The following FSTL4 variants were observed in gnomAD, a reference collection of about 807,000 sequenced individuals.
FSTL4 encodes the protein follistatin-related protein 4.
A neutral mutation model predicts 78.2 loss-of-function variants in FSTL4; 28 were observed. That is an observed-to-expected ratio of 0.36 (90% CI 0.27 to 0.49). The LOEUF is 0.49. Among genes scored for constraint, FSTL4 ranks in the 20% least tolerant of loss-of-function variants. FSTL4 has a pLI of 0.98. For missense variants in FSTL4, 922 were observed against 1,084.9 expected, an observed-to-expected ratio of 0.85 and a Z score of 2.11; for synonymous variants, 422 against 440.5, an observed-to-expected ratio of 0.96 and a Z score of 0.53.
rs1757126542 is a variant in FSTL4 at position 133,440,362 on chromosome 5, T to A, written c.161-39376A>T. ...AGGGTTTGGACTTCAAGGCCCTTTC[T>A]TGTGGAAGGCTCAGCATCTGTCAGC... On this transcript the variant is annotated intron_variant, in intron 3 of 15. Coordinates refer to ENST00000265342, the MANE Select transcript of FSTL4 (RefSeq NM_015082.2). The surrounding 1 kb of genome is among the most constrained non-coding windows in gnomAD (Gnocchi z 4.1). Among the ~76,000 whole-genome samples the A allele has an allele frequency of 6.6e-6, 1 of 152,188 alleles. No homozygotes were observed. Among genetic ancestry groups the A allele is most frequent in the African/African-American group, 2.4e-5 (1 of 41,446 alleles).
In FSTL4 at chr5:133,398,109, CT is replaced by C. The variant is rs370640541; in HGVS notation, c.409+2628del. Among the ~76,000 whole-genome samples the C allele has an allele frequency of 1.1e-4, 16 of 152,254 alleles. No homozygotes were observed. The East Asian group carries it at 2.5e-3, about 24-fold the overall frequency. On this transcript the variant is annotated intron_variant, in intron 4 of 15. Coordinates refer to ENST00000265342, the MANE Select transcript of FSTL4 (RefSeq NM_015082.2). ...GTCATCTATTTCGTTCTACTCCCCC[CT>C]GGAGCCATGGTTCTGGTGAAGGTGA...
chr5:133,395,859 C>T (rs1756026353), intron 4 of FSTL4, among the ~76,000 whole-genome samples: 1 of 152,190 alleles, frequency 6.6e-6, no homozygotes, highest in Admixed American at 6.5e-5. Flanking sequence ...TTACCCCAGG[C>T]TCCACTGGCA....
chr5:133,399,591 C>G (rs1205712368), intron 4 of FSTL4, among the ~76,000 whole-genome samples: 2 of 152,208 alleles, frequency 1.3e-5, no homozygotes, highest in Non-Finnish European at 2.9e-5. Context: ...TCAGGTGTGT[C>G]AGCATCATAC....
In FSTL4 at chr5:133,551,711, T is replaced by G. The variant is rs150396106; in HGVS notation, c.160+15475A>C. Reference sequence around the variant, plus strand: ...TGATTAAAAACATACTTTTAAAATGTCTCTTTTTCTAACCCAGTGGACCAA... The same window carrying G: ...TGATTAAAAACATACTTTTAAAATGGCTCTTTTTCTAACCCAGTGGACCAA... On this transcript the variant is annotated intron_variant, in intron 3 of 15. Coordinates refer to ENST00000265342, the MANE Select transcript of FSTL4 (RefSeq NM_015082.2). 2.9e-3 allele frequency among the ~76,000 whole-genome samples: 441 copies of G among 152,358 alleles called. 1 individual carries two copies. The highest frequency in any genetic ancestry group is 9.3e-3 in the African/African-American group (385 of 41,592).
rs1756210410 is a variant in FSTL4, at chr5:133,400,966, G to C, written c.181C>G (p.Leu61Val). 4 of 1,613,178 alleles carry C rather than the reference G, an allele frequency of 2.5e-6. No homozygotes were observed. Among genetic ancestry groups the C allele is most frequent in the Non-Finnish European group, 3.4e-6 (4 of 1,180,014 alleles). ...AACTTCTTCCCGCAGGAGGCCAGCA[G>C]CTCGTTGTGGCTGGAAAGCCCTGCC... ...RREGLSSHNE[L>V]LASCGKKFCS... is the part of the protein sequence containing the mutation. Residue 61 changes from leucine (L) to valine (V), a missense_variant, in exon 4 of 16, where the codon CTG becomes GTG. Transcript: ENST00000265342.
intron 2 of FSTL4, among the ~76,000 whole-genome samples, 166 bp from the exon 3 acceptor site, chr5:133,567,385 T>C (rs912993061): frequency 6.6e-6 from 1 of 152,230 alleles, no homozygotes; most frequent in Non-Finnish European, 1.5e-5. Context: ...CATGTACATC[T>C]ATAAATGTAA....
At chr5:133,605,368 A>G (rs1345853735) in intron 1 of FSTL4, among the ~76,000 whole-genome samples, 4 of 152,226 alleles carry the variant, frequency 2.6e-5, no homozygotes, top group Non-Finnish European at 5.9e-5. Flanking sequence ...GCTGGTCCAG[A>G]ACAGACATCC....
At position 133,424,545 on chromosome 5, in the gene FSTL4, C is replaced by T. The variant is rs539917494; in HGVS notation, c.161-23559G>A. ...TGTCCAGGGGCACCTGGGTTCTCTA[C>T]GACTTCCCTGGTTGTGCTGTCCCAC... is the stretch of plus-strand genomic sequence containing the variant. On this transcript the variant is annotated intron_variant, in intron 3 of 15. Transcript: ENST00000265342. Among the ~76,000 whole-genome samples the T allele has an allele frequency of 3.3e-5, 5 of 152,304 alleles. No individual in the cohort carries two copies. The East Asian group carries it at 5.8e-4, about 18-fold the overall frequency.
At chr5:133,651,028 C>G in the FSTL4 span, among the ~76,000 whole-genome samples, 1 of 152,054 alleles carries the variant, frequency 6.6e-6, no homozygotes. Flanking sequence ...TTTTTAATTT[C>G]AAATTCACAT....
the FSTL4 span, among the ~76,000 whole-genome samples, chr5:133,671,513 C>T: frequency 6.6e-6 from 1 of 152,310 alleles, no homozygotes; most frequent in South Asian, 2.1e-4. Flanking sequence ...AGCACTTGAA[C>T]ATAAATTTAA....
rs1421886717 is a variant in FSTL4 at position 133,198,726 on chromosome 5, T to C, written c.*369A>G. ...TCCGTCAGGGCAAAGTCTGGCTGGG[T>C]CTGGCAGTAAGGGACAATGACTATG... On this transcript the variant is annotated 3_prime_UTR_variant, in exon 16 of 16. Transcript: ENST00000265342. 5.9e-6 allele frequency: 1 copy of C among 169,472 alleles called. No individual in the cohort carries two copies. Among genetic ancestry groups the C allele is most frequent in the Non-Finnish European group, 1.3e-5 (1 of 79,744 alleles). The allele number at this position is 169,472 out of a possible 1,614,324, so 10.5% of individuals were successfully genotyped here.
chr5:133,199,254 A>T lies in FSTL4; in HGVS notation c.2370T>A (p.Gly790=), dbSNP rs755655632. 4 of 1,612,918 alleles carry T rather than the reference A, an allele frequency of 2.5e-6. No individual in the cohort carries two copies. Among genetic ancestry groups the T allele is most frequent in the Non-Finnish European group, 3.4e-6 (4 of 1,179,358 alleles). ...PPAGPAQPWG[G]THRIMRDSGL... The stretch of plus-strand genomic sequence containing the variant: ...CACTGTCCCTCATGATTCTGTGGGT[A>T]CCCCCCCAGGGCTGAGCTGGCCCTG... The change falls in exon 16 of 16, where the codon GGT becomes GGA. Residue 790 remains glycine, a synonymous_variant. Coordinates refer to ENST00000265342, the MANE Select transcript of FSTL4 (RefSeq NM_015082.2). This position sits in a 1 kb window ranked among gnomAD's most constrained non-coding sequence, Gnocchi z 4.4.
At chr5:133,830,782 C>T in the FSTL4 span, among the ~76,000 whole-genome samples, 17 of 152,180 alleles carry the variant, frequency 1.1e-4, no homozygotes, top group Non-Finnish European at 1.6e-4. Flanking sequence ...CTCCGCGGCA[C>T]AGCCTGAAGC....
chr5:133,376,101 C>T lies in FSTL4; in HGVS notation c.409+24637G>A, dbSNP rs534889113. Reference sequence around the variant, plus strand: ...TGAATCTACAATTTATAAACATATACAAAGTCCTGAAGACAGCTTCAGTGC... The same window carrying T: ...TGAATCTACAATTTATAAACATATATAAAGTCCTGAAGACAGCTTCAGTGC... On this transcript the variant is annotated intron_variant, in intron 4 of 15. Coordinates refer to ENST00000265342, the MANE Select transcript of FSTL4 (RefSeq NM_015082.2). Among the ~76,000 whole-genome samples, 45 of 152,326 alleles carry T rather than the reference C, an allele frequency of 3.0e-4. 1 individual carries two copies. In the South Asian group the frequency reaches 4.1e-3, roughly 14 times the overall value.
chr5:133,727,254 A>G, the FSTL4 span, among the ~76,000 whole-genome samples: 1 of 152,060 alleles, frequency 6.6e-6, no homozygotes, highest in Non-Finnish European at 1.5e-5. Flanking sequence ...ATTTAGCTTG[A>G]CCCTAGTGCA....
At chr5:133,703,921 C>T in the FSTL4 span, among the ~76,000 whole-genome samples, 3 of 152,308 alleles carry the variant, frequency 2.0e-5, no homozygotes, top group Non-Finnish European at 4.4e-5. Context: ...ATTTTCATTT[C>T]GCTCAGGCCC....
rs1757123132 is a variant in FSTL4 at position 133,440,186 on chromosome 5, A to C, written c.161-39200T>G. ...AACCCGGGGCTACACCCATTCACTGAATAATTTCTGGGCGCTGTGGAGGGA... is the reference window on the plus strand; with the variant it reads ...AACCCGGGGCTACACCCATTCACTGCATAATTTCTGGGCGCTGTGGAGGGA... On this transcript the variant is annotated intron_variant, in intron 3 of 15. Coordinates refer to ENST00000265342, the MANE Select transcript of FSTL4 (RefSeq NM_015082.2). This position sits in a 1 kb window ranked among gnomAD's most constrained non-coding sequence, Gnocchi z 4.1. 6.6e-6 allele frequency among the ~76,000 whole-genome samples: 1 copy of C among 152,114 alleles called. No individual in the cohort carries two copies. The highest frequency in any genetic ancestry group is 2.1e-4 in the South Asian group (1 of 4,816).
At chr5:133,562,453 C>CT (rs1759935197) in intron 3 of FSTL4, among the ~76,000 whole-genome samples, 1 of 152,138 alleles carries the variant, frequency 6.6e-6, no homozygotes, top group Non-Finnish European at 1.5e-5. Context: ...AAGTGAGGCT[C>CT]TAGTTTCACA....
chr5:133,272,030 A>G (rs529642567), intron 6 of FSTL4, among the ~76,000 whole-genome samples: 128 of 152,292 alleles, frequency 8.4e-4, no homozygotes, highest in African/African-American at 3.0e-3. Flanking sequence ...TCTCACCCCC[A>G]GCTTCCTAAG....
Sources: gnomAD v4.1 joint callset for allele counts (sites outside exome capture counted in the v4.1 genomes callset) on GRCh38, gnomAD v4.1.1 for gene constraint, Gnocchi (gnomAD v3.1) non-coding constraint, MANE v1.5 for transcripts, NCBI Gene and HGNC (gene_info 2026-07-23, HGNC 2026-07-21) for gene names.